EFNA5: variants seen among roughly 807,000 people sequenced by gnomAD.
EFNA5 encodes ephrin A5.
EFNA5 carries 5 observed loss-of-function variants against 22.9 expected under a neutral mutation model. The ratio of observed to expected loss-of-function variants is 0.22; its 90% CI spans 0.11 to 0.46. The LOEUF (loss-of-function observed/expected upper bound fraction) is 0.46. Among genes scored for constraint, EFNA5 ranks in the 20% least tolerant of loss-of-function variants. The probability of loss-of-function intolerance (pLI) is 0.99; values close to 1 mark genes in which losing one functional copy is unlikely to be tolerated. For missense variants in EFNA5, 237 were observed against 293.3 expected (o/e 0.81, Z 1.40); for synonymous variants, 113 against 112.2 (o/e 1.01, Z -0.04).
intron 1 of EFNA5, among the ~76,000 whole-genome samples, chr5:107,505,174 G>A (rs922468825): frequency 1.3e-5 from 2 of 152,094 alleles, no homozygotes; most frequent in Admixed American, 6.5e-5. Flanking sequence ...AAAAATATTC[G>A]TAGTTTATAA....
intron 2 of EFNA5, among the ~76,000 whole-genome samples, chr5:107,406,244 A>T (rs1748217363): frequency 6.6e-6 from 1 of 151,388 alleles, no homozygotes; most frequent in Non-Finnish European, 1.5e-5. Flanking sequence ...TAGAATGTAT[A>T]CAAATATTAA....
chr5:107,392,610 G>A (rs1327923415), intron 2 of EFNA5, among the ~76,000 whole-genome samples: 1 of 152,164 alleles, frequency 6.6e-6, no homozygotes, highest in African/African-American at 2.4e-5. Flanking sequence ...CCTGGTCCAC[G>A]GAAACTGTGA....
chr5:107,394,683 C>T (rs918287918), intron 2 of EFNA5, among the ~76,000 whole-genome samples: 1 of 152,162 alleles, frequency 6.6e-6, no homozygotes, highest in Non-Finnish European at 1.5e-5. Context: ...GCAAAGTTCT[C>T]ACTGCTAATA....
At chr5:107,540,192 G>A (rs1365526614) in intron 1 of EFNA5, among the ~76,000 whole-genome samples, 1 of 152,158 alleles carries the variant, frequency 6.6e-6, no homozygotes, top group South Asian at 2.1e-4. Context: ...AACACAAAGG[G>A]CATAACATTC....
intron 1 of EFNA5, among the ~76,000 whole-genome samples, chr5:107,457,919 G>A (rs1749736486): frequency 6.6e-6 from 1 of 152,138 alleles, no homozygotes; most frequent in Non-Finnish European, 1.5e-5. Context: ...TCTAAGAAGT[G>A]GGTGTTGTTA....
intron 1 of EFNA5, among the ~76,000 whole-genome samples, chr5:107,503,579 A>T (rs26248): frequency 0.25 from 38,045 of 152,116 alleles, 5,200 homozygotes; most frequent in African/African-American, 0.36. Context: ...ACCTATGGCT[A>T]TGTTTCACTA....
intron 1 of EFNA5, among the ~76,000 whole-genome samples, chr5:107,452,324 C>T (rs1025230565): frequency 6.6e-6 from 1 of 151,644 alleles, no homozygotes; most frequent in African/African-American, 2.4e-5. Context: ...ACAAGTATCC[C>T]GTTTTTTTTC....
chr5:107,392,687 C>A (rs1464390513), intron 2 of EFNA5, among the ~76,000 whole-genome samples: 1 of 152,174 alleles, frequency 6.6e-6, no homozygotes, highest in Non-Finnish European at 1.5e-5. Flanking sequence ...CAATGCTGTA[C>A]ACTAACAAAT....
chr5:107,399,896 C>T lies in EFNA5; in HGVS notation c.419-12125G>A, dbSNP rs563309364. 1.3e-4 allele frequency among the ~76,000 whole-genome samples: 20 copies of T among 152,186 alleles called. No individual in the cohort carries two copies. In the East Asian group the frequency reaches 1.5e-3, roughly 12 times the overall value. On this transcript the variant is annotated intron_variant, in intron 2 of 4. Transcript: ENST00000333274. ...GATAACTTTGGCCAACTTGAGTAAC[C>T]GGTCAGACAAGCAATTCTAATTTAA...
chr5:107,602,354 T>C (rs1304703369), intron 1 of EFNA5, among the ~76,000 whole-genome samples: 1 of 152,184 alleles, frequency 6.6e-6, no homozygotes, highest in African/African-American at 2.4e-5. Flanking sequence ...TTAATGTATG[T>C]GGATGTATCA....
At chr5:107,482,651 G>A (rs1750501062) in intron 1 of EFNA5, among the ~76,000 whole-genome samples, 1 of 152,048 alleles carries the variant, frequency 6.6e-6, no homozygotes, top group African/African-American at 2.4e-5. Flanking sequence ...GCGCAATGTA[G>A]CCTGTGATGG....
In EFNA5 at chr5:107,591,869, TATATA is replaced by T. The variant is rs1749335945; in HGVS notation, c.125+78615_125+78619del. ...AAATATATATAATATAAAAAATATATATATAATATATAATATATATATTATATATA... is the reference window on the plus strand; with the variant it reads ...AAATATATATAATATAAAAAATATATATATATAATATATATATTATATATA... On this transcript the variant is annotated intron_variant, in intron 1 of 4. Transcript: ENST00000333274. Among the ~76,000 whole-genome samples the T allele has an allele frequency of 2.2e-4, 9 of 40,502 alleles. No homozygotes were observed. The South Asian group carries it at 4.0e-3, about 18-fold the overall frequency. The allele number at this position is 40,502 out of a possible 152,430, so 26.6% of individuals were successfully genotyped here.
chr5:107,566,849 T>C lies in EFNA5; in HGVS notation c.125+103640A>G, dbSNP rs886774457. ...ATTGTTCCTCATTCTTACTATACAA[T>C]AAATACTTCCAAATATGTCCTTAAA... On this transcript the variant is annotated intron_variant, in intron 1 of 4. Coordinates refer to ENST00000333274, the MANE Select transcript of EFNA5 (RefSeq NM_001962.3). 2.6e-5 allele frequency among the ~76,000 whole-genome samples: 4 copies of C among 152,356 alleles called. No individual in the cohort carries two copies. The South Asian group carries it at 8.3e-4, about 32-fold the overall frequency.
chr5:107,465,950 A>G (rs1342837958), intron 1 of EFNA5, among the ~76,000 whole-genome samples: 2 of 152,104 alleles, frequency 1.3e-5, no homozygotes. Flanking sequence ...CACTACACCC[A>G]GCCACACTGT....
intron 1 of EFNA5, among the ~76,000 whole-genome samples, chr5:107,518,010 A>C (rs1405955622): frequency 6.6e-6 from 1 of 152,204 alleles, no homozygotes; most frequent in Non-Finnish European, 1.5e-5. Flanking sequence ...AACAGGATTA[A>C]AAGCTTTTTA....
chr5:107,519,772 C>T (rs1248068954), intron 1 of EFNA5, among the ~76,000 whole-genome samples: 1 of 152,186 alleles, frequency 6.6e-6, no homozygotes, highest in African/African-American at 2.4e-5. Context: ...AATATTTTTA[C>T]TTTAAAAATA....
chr5:107,482,890 A>ATATC, intron 1 of EFNA5, among the ~76,000 whole-genome samples: 1 of 148,536 alleles, frequency 6.7e-6, no homozygotes, highest in Non-Finnish European at 1.5e-5. Context: ...ATATATATAT[A>ATATC]TATACATACA....
In EFNA5 at chr5:107,659,234, G is replaced by A. The variant is rs374421205; in HGVS notation, c.125+11255C>T. ...GAAAACTTTGGAAAAATAAGTTCAA[G>A]TCAACATGTAATTGCTGAATTCATC... On this transcript the variant is annotated intron_variant, in intron 1 of 4. Coordinates refer to ENST00000333274, the MANE Select transcript of EFNA5 (RefSeq NM_001962.3). Among the ~76,000 whole-genome samples the A allele has an allele frequency of 3.3e-5, 5 of 152,036 alleles. No individual in the cohort carries two copies. In the East Asian group the frequency reaches 7.7e-4, roughly 23 times the overall value.
intron 1 of EFNA5, among the ~76,000 whole-genome samples, chr5:107,586,777 A>T (rs1749196567): frequency 6.6e-6 from 1 of 152,242 alleles, no homozygotes; most frequent in Non-Finnish European, 1.5e-5. Flanking sequence ...ACACTCCTTC[A>T]AAATGGGTTA....
Sources: allele counts gnomAD v4.1 joint callset (sites outside exome capture counted in the v4.1 genomes callset), GRCh38; gene constraint gnomAD v4.1.1; transcripts MANE v1.5; gene names NCBI Gene and HGNC (gene_info 2026-07-23, HGNC 2026-07-21).